ITPR1: variants seen among roughly 807,000 people sequenced by gnomAD.
The protein encoded by ITPR1 is inositol 1,4,5-trisphosphate-gated calcium channel ITPR1.
ITPR1 carries 96 observed loss-of-function variants against 318.4 expected under a neutral mutation model. That is an observed-to-expected ratio of 0.30 (90% CI 0.26 to 0.36). ITPR1 has a LOEUF of 0.36. ITPR1 is among the 10% of genes least tolerant of loss of function. The pLI is 1.00. For synonymous variants in ITPR1, 1,312 were observed against 1,289.9 expected (o/e 1.02, Z -0.37); for missense variants, 2,440 against 3,460.2 (o/e 0.71, Z 7.40).
At chr3:4,625,168 A>T (rs980767080) in intron 4 of ITPR1, among the ~76,000 whole-genome samples, 1 of 152,022 alleles carries the variant, frequency 6.6e-6, no homozygotes. Flanking sequence ...ATATTTAGTG[A>T]TGAAGGAGAT....
chr3:4,586,507 CTTT>C (rs34188022), intron 4 of ITPR1, among the ~76,000 whole-genome samples: 30 of 104,762 alleles, frequency 2.9e-4, no homozygotes, highest in Admixed American at 6.0e-4. Flanking sequence ...GCCTTGAGTG[CTTT>C]TTTTTTTTTT....
chr3:4,844,443 A>C (rs902835196), intron 61 of ITPR1, among the ~76,000 whole-genome samples: 5 of 152,176 alleles, frequency 3.3e-5, no homozygotes, highest in African/African-American at 1.2e-4. Context: ...CAAGATTTCT[A>C]AATCAATTTG....
intron 61 of ITPR1, among the ~76,000 whole-genome samples, chr3:4,837,999 C>T (rs1026546432): frequency 5.3e-5 from 8 of 152,170 alleles, no homozygotes; most frequent in Non-Finnish European, 8.8e-5. Context: ...GGTGATTTAT[C>T]ACTCTTACAA....
intron 12 of ITPR1, among the ~76,000 whole-genome samples, chr3:4,656,145 A>G (rs1359877321): frequency 6.6e-6 from 1 of 152,206 alleles, no homozygotes; most frequent in East Asian, 1.9e-4. Context: ...GCTTCTGCAC[A>G]TGTGCCTTTC....
At chr3:4,603,099 C>T (rs74834856) in intron 4 of ITPR1, among the ~76,000 whole-genome samples, 1 of 151,994 alleles carries the variant, frequency 6.6e-6, no homozygotes, top group Admixed American at 6.6e-5. Flanking sequence ...ATAAAACATC[C>T]ACTTTTGACT....
At chr3:4,622,942 T>C (rs867852401) in intron 4 of ITPR1, among the ~76,000 whole-genome samples, 3 of 152,242 alleles carry the variant, frequency 2.0e-5, no homozygotes, top group African/African-American at 7.2e-5. Flanking sequence ...CCTTACAGTC[T>C]AGTGGTGAAA....
At chr3:4,713,213 G>T (rs1217633366) in intron 39 of ITPR1, among the ~76,000 whole-genome samples, 1 of 152,152 alleles carries the variant, frequency 6.6e-6, no homozygotes, top group South Asian at 2.1e-4. Context: ...TATAAAATAT[G>T]AATCTAGTTA....
At chr3:4,816,534 C>T (rs996043621) in intron 59 of ITPR1, among the ~76,000 whole-genome samples, 4 of 152,158 alleles carry the variant, frequency 2.6e-5, no homozygotes, top group African/African-American at 4.8e-5. Flanking sequence ...TTACAGGTGC[C>T]TCTCACCACA....
intron 10 of ITPR1, among the ~76,000 whole-genome samples, chr3:4,649,371 C>T (rs1392789990): frequency 6.6e-6 from 1 of 152,074 alleles, no homozygotes; most frequent in Non-Finnish European, 1.5e-5. Flanking sequence ...AGTCAAGTGC[C>T]CCTCAAAATA....
At chr3:4,697,051 A>G (rs570437281) in intron 33 of ITPR1, 96 bp from the exon 34 acceptor site, 1 of 1,108,678 alleles carries the variant, frequency 9.0e-7, no homozygotes, top group South Asian at 1.5e-5. Flanking sequence ...GAATGGGATG[A>G]CCATTTTCAT....
chr3:4,675,428 C>G (rs879469840), intron 23 of ITPR1, among the ~76,000 whole-genome samples, 180 bp downstream of exon 23: 1 of 152,146 alleles, frequency 6.6e-6, no homozygotes, highest in Admixed American at 6.5e-5. Flanking sequence ...CGATGGAGTC[C>G]CACGTACCCA....
At chr3:4,650,042 C>G (rs551218759) in intron 10 of ITPR1, among the ~76,000 whole-genome samples, 1 of 152,194 alleles carries the variant, frequency 6.6e-6, no homozygotes, top group African/African-American at 2.4e-5. Flanking sequence ...ATTCATATTG[C>G]CACATGTATC....
In ITPR1 at chr3:4,579,550, C is replaced by A. The variant is rs572538438; in HGVS notation, c.164-48213C>A. On this transcript the variant is annotated intron_variant, in intron 4 of 61. Coordinates refer to ENST00000649015, the MANE Select transcript of ITPR1 (RefSeq NM_001378452.1). ...ACTCTGAAATTGGTTTCTGGCTTTG[C>A]TTAGAGAAAGGAAATATTGGTTAAT... 2.0e-3 allele frequency among the ~76,000 whole-genome samples: 302 copies of A among 152,240 alleles called. 1 individual carries two copies. Among genetic ancestry groups the A allele is most frequent in the South Asian group, 6.8e-3 (33 of 4,824 alleles).
intron 35 of ITPR1, among the ~76,000 whole-genome samples, chr3:4,700,440 C>G (rs899341211): frequency 6.6e-6 from 1 of 152,136 alleles, no homozygotes; most frequent in African/African-American, 2.4e-5. Flanking sequence ...ATAAATGAGA[C>G]TCAGGAGAGC....
intron 4 of ITPR1, among the ~76,000 whole-genome samples, chr3:4,544,945 C>T (rs1294948645): frequency 1.3e-5 from 2 of 152,066 alleles, no homozygotes; most frequent in Non-Finnish European, 2.9e-5. Flanking sequence ...AGGTGTGTGC[C>T]ACCATGCCTG....
intron 42 of ITPR1, among the ~76,000 whole-genome samples, chr3:4,728,157 A>C (rs1417029704): frequency 6.6e-6 from 1 of 152,224 alleles, no homozygotes; most frequent in African/African-American, 2.4e-5. Context: ...TAGAAGAGGA[A>C]TTCCTTGGCC....
At chr3:4,622,257 GGCGC>G (rs2092667260) in intron 4 of ITPR1, among the ~76,000 whole-genome samples, 2 of 150,892 alleles carry the variant, frequency 1.3e-5, no homozygotes, top group African/African-American at 2.4e-5. Context: ...TGGGACTACA[GGCGC>G]ATGCCACCAT....
chr3:4,717,523 G>A, intron 40 of ITPR1, 124 bp downstream of exon 40: 1 of 833,278 alleles, frequency 1.2e-6, no homozygotes, highest in Non-Finnish European at 2.1e-6. Context: ...TGTGTGGTGT[G>A]CCCTCTGGGA....
At chr3:4,648,440 A>G (rs1419936409) in intron 10 of ITPR1, among the ~76,000 whole-genome samples, 1 of 152,196 alleles carries the variant, frequency 6.6e-6, no homozygotes, top group Admixed American at 6.5e-5. Context: ...CATCTATAAA[A>G]AGGTTCATTT....
Sources: gnomAD v4.1 joint callset for allele counts (sites outside exome capture counted in the v4.1 genomes callset) on GRCh38, gnomAD v4.1.1 for gene constraint, MANE v1.5 for transcripts, NCBI Gene and HGNC (gene_info 2026-07-23, HGNC 2026-07-21) for gene names.